Variants in PLPP1 observed in about 807,000 individuals in gnomAD.
The protein encoded by PLPP1 is lipid phosphate phosphohydrolase 1a.
A neutral mutation model predicts 31.2 loss-of-function variants in PLPP1; 24 were observed. That is an observed-to-expected ratio of 0.77 (90% confidence interval 0.56 to 1.08). The LOEUF (loss-of-function observed/expected upper bound fraction) is 1.08. Ranked by LOEUF, PLPP1 falls within the 50% of genes least tolerant of loss-of-function variation. PLPP1 has a pLI of 0.00. For missense variants in PLPP1, 319 were observed against 342.7 expected (o/e 0.93, Z 0.55); for synonymous variants, 146 against 126.3 (o/e 1.16, Z -1.05).
chr5:55,428,003 T>A (rs1035596529), intron 4 of PLPP1, among the ~76,000 whole-genome samples: 2 of 152,008 alleles, frequency 1.3e-5, no homozygotes, highest in African/African-American at 4.8e-5. Context: ...GCCAGGCTGG[T>A]CTCAAACTCC....
At chr5:55,429,384 C>T (rs1751288788) in intron 4 of PLPP1, among the ~76,000 whole-genome samples, 1 of 152,034 alleles carries the variant, frequency 6.6e-6, no homozygotes, top group African/African-American at 2.4e-5. Flanking sequence ...TGACAGGAAA[C>T]ACCTGAGGCA....
At chr5:55,466,167 GTCC>G (rs1039861276) in intron 3 of PLPP1, among the ~76,000 whole-genome samples, 2 of 152,054 alleles carry the variant, frequency 1.3e-5, no homozygotes, top group African/African-American at 4.8e-5. Flanking sequence ...ACCCATATCA[GTCC>G]TCCTCACCAC....
intron 1 of PLPP1, among the ~76,000 whole-genome samples, chr5:55,529,040 G>A (rs1385678101): frequency 6.6e-6 from 1 of 151,920 alleles, no homozygotes; most frequent in Admixed American, 6.6e-5. Context: ...CATACAAACA[G>A]GTAATTGTGT....
intron 4 of PLPP1, among the ~76,000 whole-genome samples, chr5:55,437,723 G>A (rs191177851): frequency 6.6e-6 from 1 of 152,190 alleles, no homozygotes; most frequent in East Asian, 1.9e-4. Flanking sequence ...GTCTTCTTTG[G>A]GTTTTAATTT....
rs143705659 is a variant in PLPP1, at chr5:55,523,524, G to A, written c.58+11048C>T. On this transcript the variant is annotated intron_variant, in intron 1 of 5. Coordinates refer to ENST00000307259, the MANE Select transcript of PLPP1 (RefSeq NM_003711.4). ...CCCAACTTTCCCAGCCCTCACTTCC[G>A]TCATCTACAGAATGCAGATGACCAA... Among the ~76,000 whole-genome samples, 65 of 152,116 alleles carry A rather than the reference G, an allele frequency of 4.3e-4. No individual in the cohort carries two copies. The East Asian group carries it at 9.1e-3, about 21-fold the overall frequency.
chr5:55,427,050 A>G (rs1338420263), intron 4 of PLPP1, among the ~76,000 whole-genome samples: 2 of 151,156 alleles, frequency 1.3e-5, no homozygotes, highest in Non-Finnish European at 2.9e-5. Flanking sequence ...TGAAGGTTTT[A>G]TGTAGAAATG....
rs779202469 is a variant in PLPP1 at position 55,441,860 on chromosome 5, C to T, written c.540G>A (p.Leu180=). Residue 180 remains leucine (L), a synonymous_variant, in exon 4 of 6, where the codon CTG becomes CTA. Coordinates refer to ENST00000307259, the MANE Select transcript of PLPP1 (RefSeq NM_003711.4). The stretch of plus-strand genomic sequence containing the variant: ...GACACAAAGTACTTACTGCCACAAA[C>T]AGCATGCAGTACATGGAAAACGAAG... ...GHSSFSMYCM[L]FVALYLQARM... is the part of the protein sequence containing the mutation. 4 of 1,613,554 alleles carry T rather than the reference C, an allele frequency of 2.5e-6. No homozygotes were observed. The highest frequency in any genetic ancestry group is 3.4e-6 in the Non-Finnish European group (4 of 1,179,456).
chr5:55,432,173 G>T (rs1385122105), intron 4 of PLPP1, among the ~76,000 whole-genome samples: 1 of 150,354 alleles, frequency 6.7e-6, no homozygotes, highest in Non-Finnish European at 1.5e-5. Flanking sequence ...TGAACTCATG[G>T]CTTCAAAGGA....
intron 3 of PLPP1, 70 bp from the exon 4 acceptor site, chr5:55,441,978 C>A: frequency 6.8e-7 from 1 of 1,464,016 alleles, no homozygotes; most frequent in Non-Finnish European, 9.5e-7. Flanking sequence ...TTTCATAAAT[C>A]TGCTCCTTAG....
intron 1 of PLPP1, among the ~76,000 whole-genome samples, chr5:55,490,308 G>A (rs898723481): frequency 3.3e-5 from 5 of 151,626 alleles, no homozygotes; most frequent in Non-Finnish European, 5.9e-5. Flanking sequence ...GCGCCACCAC[G>A]CCCGGCTAAT....
Position 55,463,709 on chromosome 5 carries a change from G to A in PLPP1, c.491+4160C>T, listed in dbSNP as rs537657166. On this transcript the variant is annotated intron_variant, in intron 3 of 5. Transcript: ENST00000307259. Reference sequence around the variant, plus strand: ...TAATCCCAGCACTTTGACTTTGGAAGGCCGAGGCAAGAGGATCGCTTGAAC... The same window carrying A: ...TAATCCCAGCACTTTGACTTTGGAAAGCCGAGGCAAGAGGATCGCTTGAAC... 1.8e-4 allele frequency among the ~76,000 whole-genome samples: 27 copies of A among 151,808 alleles called. No individual in the cohort carries two copies. The South Asian group carries it at 5.4e-3, about 30-fold the overall frequency.
chr5:55,437,367 T>C (rs1313913514), intron 4 of PLPP1, among the ~76,000 whole-genome samples: 4 of 152,204 alleles, frequency 2.6e-5, no homozygotes, highest in Non-Finnish European at 4.4e-5. Context: ...AATATTCTAT[T>C]GTTAATAAAG....
chr5:55,475,206 T>C (rs894818869), intron 2 of PLPP1, 93 bp downstream of exon 2: 20 of 1,121,662 alleles, frequency 1.8e-5, no homozygotes, highest in African/African-American at 9.7e-5. Context: ...TACATTGTTT[T>C]TGGAGGATTA....
At chr5:55,441,771 G>T in intron 4 of PLPP1, 80 bp downstream of exon 4, 1 of 1,417,022 alleles carries the variant, frequency 7.1e-7, no homozygotes, top group Non-Finnish European at 1.0e-6. Context: ...AATTTATTAG[G>T]ACAGGTGAGG....
chr5:55,428,569 GGCAAA>G (rs1019215069), intron 4 of PLPP1, among the ~76,000 whole-genome samples: 7 of 152,070 alleles, frequency 4.6e-5, no homozygotes, highest in Admixed American at 6.5e-5. Context: ...TTTGATTCTG[GGCAAA>G]GCAAACACTT....
chr5:55,426,099 TA>T (rs1204492626), intron 4 of PLPP1, 60 bp from the exon 5 acceptor site: 6 of 1,392,666 alleles, frequency 4.3e-6, no homozygotes, highest in Non-Finnish European at 5.8e-6. Flanking sequence ...ACTTTTATAT[TA>T]AGGAAGGGTT....
intron 1 of PLPP1, among the ~76,000 whole-genome samples, chr5:55,509,758 A>G (rs1753364826): frequency 6.6e-6 from 1 of 152,222 alleles, no homozygotes; most frequent in Non-Finnish European, 1.5e-5. Context: ...AAACAAGTTA[A>G]CCTATTTATT....
At chr5:55,445,535 CTTTTTTTTTTTTTTTT>C in intron 3 of PLPP1, among the ~76,000 whole-genome samples, 1 of 79,644 alleles carries the variant, frequency 1.3e-5, no homozygotes, top group Non-Finnish European at 2.3e-5. Context: ...TGCATTCACT[CTTTTTTTTTTTTTTTT>C]TTTTTTTTTT....
At chr5:55,533,063 A>G (rs1434689083) in intron 1 of PLPP1, among the ~76,000 whole-genome samples, 2 of 152,082 alleles carry the variant, frequency 1.3e-5, no homozygotes, top group Non-Finnish European at 2.9e-5. Context: ...GAAACAACAA[A>G]GATGCTTCAT....
Sources: allele counts gnomAD v4.1 joint callset (sites outside exome capture counted in the v4.1 genomes callset), GRCh38; gene constraint gnomAD v4.1.1; transcripts MANE v1.5; gene names NCBI Gene and HGNC (gene_info 2026-07-23, HGNC 2026-07-21).